SCMH1: variants seen among roughly 807,000 people sequenced by gnomAD.
SCMH1 encodes the protein Scm polycomb group protein homolog 1.
In SCMH1, 37 loss-of-function variants were observed where a neutral mutation model predicts 70.8. The observed-to-expected ratio is 0.52, with a 90% CI of 0.40 to 0.69. The LOEUF (loss-of-function observed/expected upper bound fraction) is 0.69. Among genes scored for constraint, SCMH1 ranks in the 30% least tolerant of loss-of-function variants. The pLI, the probability that SCMH1 is intolerant of heterozygous loss-of-function variation, is 0.00. For synonymous variants in SCMH1, 292 were observed against 307.4 expected (o/e 0.95, Z 0.52); for missense variants, 607 against 827.3 (o/e 0.73, Z 3.27).
At chr1:41,230,347 G>A (rs1204987224) in intron 1 of SCMH1, among the ~76,000 whole-genome samples, 4 of 152,236 alleles carry the variant, frequency 2.6e-5, no homozygotes, top group East Asian at 1.9e-4. Flanking sequence ...TATCAGCAAT[G>A]AACTAAAAAT....
At chr1:41,224,482 T>G (rs1361667687) in intron 1 of SCMH1, among the ~76,000 whole-genome samples, 1 of 152,200 alleles carries the variant, frequency 6.6e-6, no homozygotes. Context: ...TTACTATCAT[T>G]TCTTATAATT....
At chr1:41,137,993 C>T (rs1643627153) in intron 6 of SCMH1, among the ~76,000 whole-genome samples, 1 of 152,198 alleles carries the variant, frequency 6.6e-6, no homozygotes, top group Non-Finnish European at 1.5e-5. Context: ...CACACATACA[C>T]TATTCTACCC....
chr1:41,134,962 CT>C (rs1361572299), intron 6 of SCMH1, among the ~76,000 whole-genome samples: 2 of 151,824 alleles, frequency 1.3e-5, no homozygotes, highest in Non-Finnish European at 2.9e-5. Context: ...TATTCCTTAG[CT>C]TTTTTAATAT....
chr1:41,215,485 C>T (rs550081803), intron 1 of SCMH1, among the ~76,000 whole-genome samples: 26 of 152,112 alleles, frequency 1.7e-4, no homozygotes, highest in South Asian at 6.2e-4. Context: ...TTTTATTTTT[C>T]AGGATCTAGG....
At chr1:41,146,353 C>T (rs77232045) in intron 5 of SCMH1, among the ~76,000 whole-genome samples, 1,952 of 152,066 alleles carry the variant, frequency 0.013, 40 homozygotes, top group African/African-American at 0.045. Flanking sequence ...AAGGTTAACT[C>T]TTTACTGAAG....
intron 6 of SCMH1, among the ~76,000 whole-genome samples, chr1:41,134,383 A>T (rs1642919094): frequency 6.6e-6 from 1 of 152,244 alleles, no homozygotes; most frequent in Non-Finnish European, 1.5e-5. Flanking sequence ...CAAGACAAGG[A>T]TGCCCTCTCT....
rs551991508 is a variant in SCMH1 at position 41,237,965 on chromosome 1, C to A, written c.-118+4094G>T. On this transcript the variant is annotated intron_variant, in intron 1 of 14. Coordinates refer to ENST00000337495, the Ensembl canonical transcript of SCMH1. ...ATATTTACTTTGTATCTATGAATCACCAATCGCTTGTGATTTTATGTGGTA... is the reference window on the plus strand; with the variant it reads ...ATATTTACTTTGTATCTATGAATCAACAATCGCTTGTGATTTTATGTGGTA... Among the ~76,000 whole-genome samples, 16 of 152,226 alleles carry A rather than the reference C, an allele frequency of 1.1e-4. No individual in the cohort carries two copies. The East Asian group carries it at 3.1e-3, about 29-fold the overall frequency.
chr1:41,161,941 C>T (rs2148433128), intron 2 of SCMH1, among the ~76,000 whole-genome samples: 1 of 152,332 alleles, frequency 6.6e-6, no homozygotes, highest in African/African-American at 2.4e-5. Flanking sequence ...CCATCTGGAG[C>T]AGCTGCTGTC....
chr1:41,086,320 CAGTT>C (rs201082164), intron 8 of SCMH1, among the ~76,000 whole-genome samples: 5,044 of 152,130 alleles, frequency 0.033, 126 homozygotes, highest in Middle Eastern at 0.051. Flanking sequence ...TATAGCAAAT[CAGTT>C]AGATAATGTA....
At chr1:41,173,883 T>C (rs1357638551) in intron 2 of SCMH1, among the ~76,000 whole-genome samples, 1 of 152,146 alleles carries the variant, frequency 6.6e-6, no homozygotes. Flanking sequence ...CCACATGTTT[T>C]TGGTCATATG....
intron 1 of SCMH1, among the ~76,000 whole-genome samples, chr1:41,219,705 G>A (rs779393764): frequency 1.3e-5 from 2 of 152,144 alleles, no homozygotes; most frequent in Non-Finnish European, 2.9e-5. Flanking sequence ...CAAGGTGGGC[G>A]GATCACTTGA....
At chr1:41,240,995 G>T (rs1287010038) in intron 1 of SCMH1, among the ~76,000 whole-genome samples, 1 of 152,164 alleles carries the variant, frequency 6.6e-6, no homozygotes, top group Non-Finnish European at 1.5e-5. Flanking sequence ...AGACTCAGGG[G>T]ACATGATTAC....
chr1:41,150,936 C>CAAAAAAAAA (rs71062579), intron 5 of SCMH1, among the ~76,000 whole-genome samples: 14 of 76,408 alleles, frequency 1.8e-4, no homozygotes, highest in African/African-American at 2.6e-4. Context: ...GACACCATCT[C>CAAAAAAAAA]AAAAAAAAAA....
chr1:41,082,782 A>G (rs1389785730), intron 8 of SCMH1, among the ~76,000 whole-genome samples: 3 of 152,240 alleles, frequency 2.0e-5, no homozygotes, highest in African/African-American at 4.8e-5. Context: ...CACCATGATC[A>G]AGTGGGCTTC....
chr1:41,219,372 C>G (rs1236790683), intron 1 of SCMH1, among the ~76,000 whole-genome samples: 1 of 152,174 alleles, frequency 6.6e-6, no homozygotes, highest in Admixed American at 6.5e-5. Flanking sequence ...ATCATGGGAA[C>G]CCCTCAGATT....
intron 2 of SCMH1, 179 bp downstream of exon 2, chr1:41,185,942 C>T (rs1172409125): frequency 4.2e-6 from 2 of 481,130 alleles, no homozygotes; most frequent in Non-Finnish European, 6.8e-6. Flanking sequence ...ATTTAAAAAG[C>T]AAAACTTCAG....
intron 6 of SCMH1, among the ~76,000 whole-genome samples, chr1:41,140,661 A>G (rs1643973387): frequency 1.3e-5 from 2 of 152,216 alleles, no homozygotes; most frequent in African/African-American, 2.4e-5. Flanking sequence ...CCAACCTAGT[A>G]GCACTGAGCA....
intron 1 of SCMH1, among the ~76,000 whole-genome samples, chr1:41,198,109 T>C (rs1392370556): frequency 2.0e-5 from 3 of 152,158 alleles, no homozygotes; most frequent in African/African-American, 7.2e-5. Flanking sequence ...AATGTCATGA[T>C]CTATTTTCAT....
chr1:41,092,757 C>A (rs1378949371), intron 8 of SCMH1, among the ~76,000 whole-genome samples: 4 of 152,118 alleles, frequency 2.6e-5, no homozygotes, highest in African/African-American at 9.7e-5. Flanking sequence ...ATGCAGCCAA[C>A]AGACACATGA....
Sources: gnomAD v4.1 joint callset for allele counts (sites outside exome capture counted in the v4.1 genomes callset) on GRCh38, gnomAD v4.1.1 for gene constraint, MANE v1.5 for transcripts, NCBI Gene and HGNC (gene_info 2026-07-23, HGNC 2026-07-21) for gene names.